The following ADCY2 variants were observed in gnomAD, a reference collection of about 807,000 sequenced individuals.
The protein encoded by ADCY2 is adenylate cyclase type 2.
ADCY2 carries 31 observed loss-of-function variants against 125.2 expected under a neutral mutation model. The observed-to-expected ratio is 0.25, with a 90% CI of 0.19 to 0.33. The LOEUF is 0.33. Ranked by LOEUF, ADCY2 falls within the 10% of genes least tolerant of loss-of-function variation. ADCY2 has a pLI of 1.00. For missense variants in ADCY2, 904 were observed against 1,418.2 expected, an observed-to-expected ratio of 0.64 and a Z score of 5.82; for synonymous variants, 512 against 548.4, an observed-to-expected ratio of 0.93 and a Z score of 0.93.
At chr5:7,731,418 G>A (rs528685625) in intron 14 of ADCY2, among the ~76,000 whole-genome samples, 1 of 150,842 alleles carries the variant, frequency 6.6e-6, no homozygotes, top group South Asian at 2.1e-4. Context: ...ATCACGCCCA[G>A]CTGATTTTTG....
chr5:7,803,436 T>C (rs908923342), intron 21 of ADCY2, among the ~76,000 whole-genome samples: 1 of 152,230 alleles, frequency 6.6e-6, no homozygotes, highest in Non-Finnish European at 1.5e-5. Context: ...CCTGCCCTCC[T>C]GAGCGGGTAT....
chr5:7,700,714 ACCCAC>A, intron 7 of ADCY2, among the ~76,000 whole-genome samples: 1 of 3,256 alleles, frequency 3.1e-4, no homozygotes, highest in East Asian at 0.025. Context: ...ACCCCCTCGC[ACCCAC>A]CACACACACA....
At chr5:7,704,550 A>G (rs929698789) in intron 7 of ADCY2, among the ~76,000 whole-genome samples, 18 of 152,134 alleles carry the variant, frequency 1.2e-4, no homozygotes, top group Admixed American at 3.3e-4. Flanking sequence ...ACGTTTTTCT[A>G]TAGATCATGT....
At chr5:7,794,453 G>C (rs1744361134) in intron 20 of ADCY2, 1 of 152,240 alleles carries the variant, frequency 6.6e-6, no homozygotes, top group East Asian at 1.9e-4. Context: ...AGTGTGGGGA[G>C]ATTCTGGAGG....
At position 7,782,215 on chromosome 5, in the gene ADCY2, C is replaced by T. The variant is rs1743942309; in HGVS notation, c.2385-2150C>T. On this transcript the variant is annotated intron_variant, in intron 18 of 24. Coordinates refer to ENST00000338316, the MANE Select transcript of ADCY2 (RefSeq NM_020546.3). ...CTCTGCTGGTCTAGCTTCCTCCAAGCTCCCCCTCCACCCACCACTATTCCT... is the reference window on the plus strand; with the variant it reads ...CTCTGCTGGTCTAGCTTCCTCCAAGTTCCCCCTCCACCCACCACTATTCCT... 3 of 167,164 alleles carry T rather than the reference C, an allele frequency of 1.8e-5. No homozygotes were observed. The South Asian group carries it at 6.2e-4, about 35-fold the overall frequency. 10.4% of individuals were successfully genotyped at this position (167,164 alleles called of 1,614,324 possible).
rs144554875 is a variant in ADCY2, at chr5:7,777,391, A to G, written c.2384+4290A>G. Among the ~76,000 whole-genome samples, 16 of 152,330 alleles carry G rather than the reference A, an allele frequency of 1.1e-4. 1 individual carries two copies. In the East Asian group the frequency reaches 2.7e-3, roughly 26 times the overall value. On this transcript the variant is annotated intron_variant, in intron 18 of 24. Transcript: ENST00000338316. ...GCCTGGCATCTAGTACTCAAAAAAC[A>G]TCTGTTGAATGAATGAACAAAAGCA...
chr5:7,826,925 C>T lies in ADCY2; in HGVS notation c.*54C>T. ...TGTATTTTCAGGAAGGTATCACACA[C>T]TTTCTGACTGCAACTTCTGTCCCTT... On this transcript the variant is annotated 3_prime_UTR_variant, in exon 25 of 25. Transcript: ENST00000338316. 6.4e-7 allele frequency: 1 copy of T among 1,551,046 alleles called. No individual in the cohort carries two copies. The highest frequency in any genetic ancestry group is 8.7e-7 in the Non-Finnish European group (1 of 1,150,400).
chr5:7,731,193 C>T (rs1054054847), intron 14 of ADCY2, among the ~76,000 whole-genome samples: 1 of 151,102 alleles, frequency 6.6e-6, no homozygotes, highest in Non-Finnish European at 1.5e-5. Flanking sequence ...TAAAACCTAA[C>T]CTTTTTGTAT....
intron 4 of ADCY2, among the ~76,000 whole-genome samples, chr5:7,651,027 A>C (rs951525336): frequency 1.3e-5 from 2 of 151,966 alleles, no homozygotes; most frequent in Non-Finnish European, 2.9e-5. Context: ...CAGCTCTGCA[A>C]CTCTGCTTCT....
chr5:7,399,511 C>T (rs1235400185), intron 1 of ADCY2, among the ~76,000 whole-genome samples: 1 of 152,132 alleles, frequency 6.6e-6, no homozygotes, highest in Non-Finnish European at 1.5e-5. Context: ...TTAAAGTAAT[C>T]CTCAAAGTTT....
intron 22 of ADCY2, among the ~76,000 whole-genome samples, chr5:7,809,007 C>G (rs1455701318): frequency 6.6e-6 from 1 of 152,182 alleles, no homozygotes; most frequent in Admixed American, 6.5e-5. Flanking sequence ...CTTCTGTTAC[C>G]TTACGCATGA....
intron 2 of ADCY2, among the ~76,000 whole-genome samples, chr5:7,439,529 TACACAC>T (rs66460653): frequency 0.71 from 105,181 of 148,676 alleles, 37,366 homozygotes; most frequent in African/African-American, 0.77. Context: ...TGGGTTAAGA[TACACAC>T]ACACACACAC....
At chr5:7,552,028 T>A (rs16878787) in intron 3 of ADCY2, among the ~76,000 whole-genome samples, 3,005 of 152,318 alleles carry the variant, frequency 0.02, 98 homozygotes, top group African/African-American at 0.069. Context: ...AGTACAGAGT[T>A]GTGCCATTTA....
At chr5:7,657,204 T>C (rs540604149) in intron 4 of ADCY2, among the ~76,000 whole-genome samples, 4 of 152,292 alleles carry the variant, frequency 2.6e-5, no homozygotes, top group South Asian at 4.1e-4. Flanking sequence ...GAATAAAGGA[T>C]GCTCAACCTG....
At chr5:7,413,886 A>C (rs886728677) in intron 1 of ADCY2, among the ~76,000 whole-genome samples, 1 of 152,224 alleles carries the variant, frequency 6.6e-6, no homozygotes, top group African/African-American at 2.4e-5. Context: ...ATAAATGTAA[A>C]GAAATACATT....
intron 4 of ADCY2, among the ~76,000 whole-genome samples, chr5:7,651,992 G>A (rs1388359959): frequency 2.6e-5 from 4 of 151,940 alleles, no homozygotes; most frequent in South Asian, 2.1e-4. Context: ...TAGTAAGGAC[G>A]GGGGTTTCAC....
chr5:7,711,077 G>A (rs1351132341), intron 10 of ADCY2, among the ~76,000 whole-genome samples: 7 of 152,216 alleles, frequency 4.6e-5, no homozygotes, highest in Admixed American at 4.6e-4. Flanking sequence ...TAAGTGCAGT[G>A]AGGATGTAGA....
intron 2 of ADCY2, among the ~76,000 whole-genome samples, chr5:7,508,657 G>A (rs996480647): frequency 6.6e-6 from 1 of 152,186 alleles, no homozygotes; most frequent in Non-Finnish European, 1.5e-5. Flanking sequence ...CACACAGCCA[G>A]GTCCATGCCC....
chr5:7,575,778 T>G (rs1006976069), intron 3 of ADCY2, among the ~76,000 whole-genome samples: 1 of 152,146 alleles, frequency 6.6e-6, no homozygotes, highest in African/African-American at 2.4e-5. Flanking sequence ...TCAACCAACC[T>G]TAACAAAATG....
Sources: allele counts gnomAD v4.1 joint callset (sites outside exome capture counted in the v4.1 genomes callset), GRCh38; gene constraint gnomAD v4.1.1; transcripts MANE v1.5; gene names NCBI Gene and HGNC (gene_info 2026-07-23, HGNC 2026-07-21).